DCLK1: variants seen among roughly 807,000 people sequenced by gnomAD.
DCLK1 encodes doublecortin like kinase 1.
DCLK1 carries 16 observed loss-of-function variants against 86.2 expected under a neutral mutation model. The observed-to-expected ratio is 0.19, with a 90% confidence interval of 0.13 to 0.28. The LOEUF is 0.28. Among genes scored for constraint, DCLK1 ranks in the 10% least tolerant of loss-of-function variants. The pLI, the probability that DCLK1 is intolerant of heterozygous loss-of-function variation, is 1.00. For synonymous variants in DCLK1, 369 were observed against 370.5 expected (o/e 1.00, Z 0.05); for missense variants, 590 against 940.2 (o/e 0.63, Z 4.87).
Position 35,774,396 on chromosome 13 carries a change from T to C in DCLK1, c.*139A>G. ...CAGTAAAGGGAAACCGCTACAAAGA[T>C]ACCTGAAAACACTTTCAGTTCTGCC... On this transcript the variant is annotated 3_prime_UTR_variant, in exon 17 of 17. Coordinates refer to ENST00000360631, the MANE Select transcript of DCLK1 (RefSeq NM_001330071.2). 4 of 1,039,978 alleles carry C rather than the reference T, an allele frequency of 3.8e-6. No individual in the cohort carries two copies. The highest frequency in any genetic ancestry group is 5.5e-6 in the Non-Finnish European group (4 of 730,114). The allele number at this position is 1,039,978 out of a possible 1,614,324, so 64.4% of individuals were successfully genotyped here.
intron 16 of DCLK1, among the ~76,000 whole-genome samples, chr13:35,789,430 A>G (rs2086675097): frequency 6.6e-6 from 1 of 152,222 alleles, no homozygotes; most frequent in African/African-American, 2.4e-5. Context: ...TGAGAAAAAA[A>G]TCAAAGTATA....
At chr13:35,940,684 GGTTTA>G (rs1378517136) in intron 4 of DCLK1, among the ~76,000 whole-genome samples, 1 of 152,132 alleles carries the variant, frequency 6.6e-6, no homozygotes, top group African/African-American at 2.4e-5. Context: ...TTCTACAGGT[GGTTTA>G]GTTTAATCTT....
intron 3 of DCLK1, among the ~76,000 whole-genome samples, chr13:35,980,983 T>C (rs527768149): frequency 2.0e-5 from 3 of 151,966 alleles, no homozygotes; most frequent in East Asian, 3.9e-4. Flanking sequence ...AAGACACAAA[T>C]AGGTTAAAAG....
intron 4 of DCLK1, among the ~76,000 whole-genome samples, chr13:35,885,500 G>A (rs1208722938): frequency 6.6e-6 from 1 of 152,158 alleles, no homozygotes; most frequent in Non-Finnish European, 1.5e-5. Flanking sequence ...TATTTGAAAG[G>A]GGATCAAGTA....
intron 3 of DCLK1, among the ~76,000 whole-genome samples, chr13:36,094,838 G>A (rs1401748437): frequency 6.6e-6 from 1 of 152,168 alleles, no homozygotes; most frequent in Non-Finnish European, 1.5e-5. Context: ...GAAGAAAAGT[G>A]AAATTATCTC....
chr13:36,080,704 T>C (rs1354916888), intron 3 of DCLK1, among the ~76,000 whole-genome samples: 1 of 152,206 alleles, frequency 6.6e-6, no homozygotes, highest in Non-Finnish European at 1.5e-5. Context: ...TACAATATAA[T>C]GTTTCCAGTC....
In DCLK1 at chr13:35,845,770, CATT is replaced by C. The variant is rs763388985; in HGVS notation, c.1036-6597_1036-6595del. 374 of 243,038 alleles carry C rather than the reference CATT, an allele frequency of 1.5e-3. 2 individuals are homozygous for C. The highest frequency in any genetic ancestry group is 5.2e-3 in the African/African-American group (226 of 43,212). 15.1% of individuals were successfully genotyped at this position (243,038 alleles called of 1,614,324 possible). A position where few individuals can be genotyped will look rare whatever the true frequency, so the allele number is the denominator to read the frequency against. On this transcript the variant is annotated intron_variant, in intron 6 of 16. Transcript: ENST00000360631. ...ATTCTGCAGTCTCTCAAATATCACT[CATT>C]GATGCTAATTACAACAGAAGAATGC...
intron 1 of DCLK1, among the ~76,000 whole-genome samples, chr13:36,129,043 T>A (rs1030600340): frequency 6.6e-6 from 1 of 152,232 alleles, no homozygotes; most frequent in South Asian, 2.1e-4. Context: ...AACTCACTTT[T>A]GAAGTTTGTG....
chr13:36,045,332 GTATATATATATATATA>G (rs1174545505), intron 3 of DCLK1, among the ~76,000 whole-genome samples: 24 of 55,778 alleles, frequency 4.3e-4, no homozygotes, highest in African/African-American at 1.2e-3. Flanking sequence ...GTGTGTGTGT[GTATATATATATATATA>G]TATATATATA....
At chr13:35,852,262 T>A (rs931786694) in intron 6 of DCLK1, among the ~76,000 whole-genome samples, 3 of 152,196 alleles carry the variant, frequency 2.0e-5, no homozygotes, top group Non-Finnish European at 4.4e-5. Context: ...TTTTTAGGGA[T>A]CTTCTAGGCC....
chr13:36,075,237 A>G (rs1320988160), intron 3 of DCLK1, among the ~76,000 whole-genome samples: 1 of 152,238 alleles, frequency 6.6e-6, no homozygotes, highest in African/African-American at 2.4e-5. Flanking sequence ...TCCAGATCAC[A>G]AGGATAATTC....
chr13:36,104,196 C>T (rs995151377), intron 3 of DCLK1, among the ~76,000 whole-genome samples: 5 of 152,240 alleles, frequency 3.3e-5, no homozygotes, highest in African/African-American at 7.2e-5. Flanking sequence ...CAAGGCAGCT[C>T]CTATATGGCC....
intron 16 of DCLK1, among the ~76,000 whole-genome samples, chr13:35,782,577 T>C (rs1481259543): frequency 1.3e-5 from 2 of 152,222 alleles, no homozygotes; most frequent in Admixed American, 6.5e-5. Flanking sequence ...GAGCATCTCA[T>C]ATGTGATTTG....
chr13:35,960,532 C>CT (rs933370260), intron 3 of DCLK1, among the ~76,000 whole-genome samples: 70 of 152,324 alleles, frequency 4.6e-4, no homozygotes, highest in African/African-American at 1.6e-3. Flanking sequence ...GTTGCCCAGG[C>CT]TGGACTGCCT....
intron 3 of DCLK1, among the ~76,000 whole-genome samples, chr13:36,005,945 C>G (rs758768556): frequency 1.1e-4 from 17 of 152,112 alleles, no homozygotes; most frequent in Non-Finnish European, 1.9e-4. Flanking sequence ...TGTTCTCACT[C>G]AAAAGTGAGA....
chr13:35,909,219 C>A (rs1482814523), intron 4 of DCLK1, among the ~76,000 whole-genome samples: 5 of 152,188 alleles, frequency 3.3e-5, no homozygotes, highest in Non-Finnish European at 7.3e-5. Context: ...GCTGAGCCTC[C>A]TGGGGGCTCC....
chr13:36,066,848 C>T (rs915688126), intron 3 of DCLK1, among the ~76,000 whole-genome samples: 3 of 151,694 alleles, frequency 2.0e-5, no homozygotes, highest in Admixed American at 2.0e-4. Flanking sequence ...CAAATCAAAA[C>T]CACAATGAGA....
chr13:35,776,283 C>T (rs922511539), intron 16 of DCLK1, among the ~76,000 whole-genome samples: 24 of 152,078 alleles, frequency 1.6e-4, no homozygotes, highest in African/African-American at 5.8e-4. Context: ...CTGAAATGTT[C>T]TGTTTGTGTA....
intron 3 of DCLK1, among the ~76,000 whole-genome samples, chr13:36,060,733 TTCTC>T (rs1193956573): frequency 4.6e-5 from 7 of 152,064 alleles, no homozygotes; most frequent in Non-Finnish European, 8.8e-5. Flanking sequence ...CAACAAAACT[TTCTC>T]TCAAAAAATT....
Sources: gnomAD v4.1 joint callset for allele counts (sites outside exome capture counted in the v4.1 genomes callset) on GRCh38, gnomAD v4.1.1 for gene constraint, MANE v1.5 for transcripts, NCBI Gene and HGNC (gene_info 2026-07-23, HGNC 2026-07-21) for gene names.